RBM6: variants seen among roughly 807,000 people sequenced by gnomAD.
RBM6 encodes the protein RNA-binding protein 6.
Under a neutral mutation model 140.4 loss-of-function variants are expected in RBM6, and 23 were observed. That is an observed-to-expected ratio of 0.16 (90% CI 0.12 to 0.23). RBM6 has a LOEUF of 0.23. Among genes scored for constraint, RBM6 ranks in the 10% least tolerant of loss-of-function variants. The pLI, the probability that RBM6 is intolerant of heterozygous loss-of-function variation, is 1.00. For synonymous variants in RBM6, 439 were observed against 475.6 expected, an observed-to-expected ratio of 0.92 and a Z score of 1.00; for missense variants, 1,139 against 1,386.7, an observed-to-expected ratio of 0.82 and a Z score of 2.84.
intron 6 of RBM6, among the ~76,000 whole-genome samples, chr3:50,018,706 C>G (rs200243276): frequency 6.7e-6 from 1 of 149,990 alleles, no homozygotes; most frequent in East Asian, 2.0e-4. Flanking sequence ...ATTCTTCTGC[C>G]TCAGCCTCCC....
At chr3:50,007,099 ATTTT>A (rs556987399) in intron 6 of RBM6, among the ~76,000 whole-genome samples, 2 of 141,406 alleles carry the variant, frequency 1.4e-5, no homozygotes, top group African/African-American at 5.2e-5. Flanking sequence ...GCCTAGGAGG[ATTTT>A]TTTTTTTCCC....
At chr3:50,040,471 A>ATAT (rs1189530799) in intron 6 of RBM6, among the ~76,000 whole-genome samples, 5 of 33,540 alleles carry the variant, frequency 1.5e-4, no homozygotes, top group East Asian at 5.1e-4. Flanking sequence ...AAAAAAAAAA[A>ATAT]ATATATATAT....
intron 14 of RBM6, 120 bp downstream of exon 14, chr3:50,061,667 T>C: frequency 1.3e-6 from 2 of 1,484,194 alleles, no homozygotes; most frequent in Non-Finnish European, 1.8e-6. Context: ...TGGATGCTCA[T>C]TGCATGAAAA....
intron 7 of RBM6, among the ~76,000 whole-genome samples, chr3:50,053,126 C>T (rs992401747): frequency 6.6e-6 from 1 of 151,754 alleles, no homozygotes; most frequent in Non-Finnish European, 1.5e-5. Flanking sequence ...CCTCAGTTTC[C>T]TCATCTACAA....
intron 6 of RBM6, among the ~76,000 whole-genome samples, chr3:50,001,022 A>T (rs568405360): frequency 1.3e-5 from 2 of 152,280 alleles, no homozygotes; most frequent in Admixed American, 1.3e-4. Flanking sequence ...ACTTAAGAGG[A>T]TTCTCATTGA....
At chr3:50,042,200 A>T (rs1030817432) in intron 6 of RBM6, among the ~76,000 whole-genome samples, 1 of 152,222 alleles carries the variant, frequency 6.6e-6, no homozygotes, top group Non-Finnish European at 1.5e-5. Flanking sequence ...ACACAAAACA[A>T]TGAAGAGTAA....
chr3:49,982,262 CTT>C lies in RBM6; in HGVS notation c.1483+6897_1483+6898del, dbSNP rs751604271. Among the ~76,000 whole-genome samples the C allele has an allele frequency of 4.4e-3, 298 of 68,376 alleles. 1 individual carries two copies. The highest frequency in any genetic ancestry group is 0.017 in the African/African-American group (278 of 16,748). The allele number at this position is 68,376 out of a possible 152,430, so 44.9% of individuals were successfully genotyped here. On this transcript the variant is annotated intron_variant, in intron 5 of 20. Transcript: ENST00000266022. ...GTACCTTCTGCATTTCTTTTCTTTT[CTT>C]TTTTTTTTTTTTTTTTTTTTTTTTT...
intron 6 of RBM6, among the ~76,000 whole-genome samples, chr3:50,018,756 A>G (rs1258710973): frequency 6.6e-6 from 1 of 150,972 alleles, no homozygotes; most frequent in Non-Finnish European, 1.5e-5. Context: ...TGCCCAGCTA[A>G]TTTTTTGTAT....
chr3:49,944,034 AGT>A (rs1460110495), intron 1 of RBM6, among the ~76,000 whole-genome samples: 8 of 152,024 alleles, frequency 5.3e-5, no homozygotes, highest in Non-Finnish European at 1.2e-4. Flanking sequence ...CCCATTTTTA[AGT>A]GTGCTACTTA....
intron 6 of RBM6, among the ~76,000 whole-genome samples, chr3:50,034,504 G>A (rs942756408): frequency 2.0e-5 from 3 of 152,086 alleles, no homozygotes; most frequent in African/African-American, 4.8e-5. Context: ...GCTCACGCCT[G>A]TAATCCCAGC....
At chr3:49,949,701 G>T (rs1575519902) in intron 1 of RBM6, among the ~76,000 whole-genome samples, 2 of 152,112 alleles carry the variant, frequency 1.3e-5, no homozygotes, top group African/African-American at 4.8e-5. Context: ...TTTTAGTGGA[G>T]AAAAGGTTTC....
intron 5 of RBM6, among the ~76,000 whole-genome samples, chr3:49,977,006 A>G (rs528768490): frequency 6.6e-6 from 1 of 152,290 alleles, no homozygotes; most frequent in African/African-American, 2.4e-5. Flanking sequence ...CATGTTATTT[A>G]TATTACATCT....
chr3:49,941,100 TC>T (rs2108554043), intron 1 of RBM6: 1 of 152,192 alleles, frequency 6.6e-6, no homozygotes, highest in Non-Finnish European at 1.5e-5. Flanking sequence ...GTTTCCACCT[TC>T]CTATTGAGAA....
chr3:49,976,845 T>G (rs934615673), intron 5 of RBM6, among the ~76,000 whole-genome samples: 1 of 152,204 alleles, frequency 6.6e-6, no homozygotes, highest in African/African-American at 2.4e-5. Flanking sequence ...ATTGGCAGAC[T>G]GAAGACATTG....
intron 5 of RBM6, among the ~76,000 whole-genome samples, chr3:49,980,201 C>T (rs1224376633): frequency 4.6e-5 from 7 of 151,618 alleles, no homozygotes; most frequent in East Asian, 3.9e-4. Context: ...GACAGGGTTG[C>T]GCCATGTTGA....
chr3:49,998,759 A>C (rs1470639421), intron 5 of RBM6, among the ~76,000 whole-genome samples: 1 of 152,246 alleles, frequency 6.6e-6, no homozygotes, highest in East Asian at 1.9e-4. Context: ...GTGCATAAGC[A>C]CAATTTTGGA....
At chr3:50,040,462 AAAAAAAAAAATAT>A (rs1237313962) in intron 6 of RBM6, among the ~76,000 whole-genome samples, 982 of 49,994 alleles carry the variant, frequency 0.02, 8 homozygotes, top group South Asian at 0.091. Context: ...AAAAAAAAAA[AAAAAAAAAAATAT>A]ATATATATAT....
At chr3:49,944,673 G>A (rs1179994609) in intron 1 of RBM6, among the ~76,000 whole-genome samples, 2 of 151,216 alleles carry the variant, frequency 1.3e-5, no homozygotes, top group Admixed American at 1.3e-4. Flanking sequence ...AAGGAGTTTC[G>A]CCATGTTGGG....
At position 49,991,918 on chromosome 3, in the gene RBM6, C is replaced by CTTTATTTTATTTTAT. The variant is rs138310398; in HGVS notation, c.1484-7504_1484-7490dup. Among the ~76,000 whole-genome samples the CTTTATTTTATTTTAT allele has an allele frequency of 1.2e-3, 162 of 132,958 alleles. 1 individual carries two copies. The highest frequency in any genetic ancestry group is 3.8e-3 in the African/African-American group (139 of 36,558). The allele number at this position is 132,958 out of a possible 152,430, so 87.2% of individuals were successfully genotyped here. A position where few individuals can be genotyped will look rare whatever the true frequency, so the allele number is the denominator to read the frequency against. On this transcript the variant is annotated intron_variant, in intron 5 of 20. Coordinates refer to ENST00000266022, the MANE Select transcript of RBM6 (RefSeq NM_005777.3). ...CAGCTTTATGGAATCATCCCAGAGC[C>CTTTATTTTATTTTAT]TTTATTTTATTTTATTTTATTTTAT...
Sources: gnomAD v4.1 joint callset for allele counts (sites outside exome capture counted in the v4.1 genomes callset) on GRCh38, gnomAD v4.1.1 for gene constraint, MANE v1.5 for transcripts, NCBI Gene and HGNC (gene_info 2026-07-23, HGNC 2026-07-21) for gene names.